The following CCT3 variants were observed in gnomAD, a reference collection of about 807,000 sequenced individuals.
CCT3 encodes T-complex protein 1 subunit gamma.
In CCT3, 10 loss-of-function variants were observed where a neutral mutation model predicts 65.3. The observed-to-expected ratio is 0.15, with a 90% CI of 0.09 to 0.26. The LOEUF (loss-of-function observed/expected upper bound fraction) is 0.26. CCT3 is among the 10% of genes least tolerant of loss of function. The probability of loss-of-function intolerance (pLI) is 1.00; values close to 1 mark genes in which losing one functional copy is unlikely to be tolerated. For synonymous variants in CCT3, 225 were observed against 242.3 expected, an observed-to-expected ratio of 0.93 and a Z score of 0.66; for missense variants, 626 against 708.7, an observed-to-expected ratio of 0.88 and a Z score of 1.33.
At chr1:156,319,116 T>TC in intron 7 of CCT3, 99 bp from the exon 8 acceptor site, 2 of 360,594 alleles carry the variant, frequency 5.5e-6, no homozygotes, top group Non-Finnish European at 7.7e-6. Context: ...GTGTTTCAGG[T>TC]TTTTTTTTTT....
rs184686228 is a variant in CCT3 at position 156,326,289 on chromosome 1, A to G, written c.305-1200T>C. ...GGCTGCAGTGAGCCGTGATCACACT[A>G]TTGCACTCCAGCCTGGGCAATAGAG... On this transcript the variant is annotated intron_variant, in intron 5 of 13. Coordinates refer to ENST00000295688, the MANE Select transcript of CCT3 (RefSeq NM_005998.5). Among the ~76,000 whole-genome samples the G allele has an allele frequency of 1.4e-3, 211 of 152,198 alleles. 2 individuals are homozygous for G. Among genetic ancestry groups the G allele is most frequent in the African/African-American group, 4.8e-3 (198 of 41,540 alleles).
chr1:156,334,974 A>G, intron 2 of CCT3, 56 bp from the exon 3 acceptor site: 1 of 1,503,048 alleles, frequency 6.7e-7, no homozygotes, highest in South Asian at 1.1e-5. Flanking sequence ...AGTGTGAGAA[A>G]TGTTGGAGTA....
In CCT3 at chr1:156,311,207, A is replaced by G. The variant is rs1211460641; in HGVS notation, c.1156-12T>C. The G allele has an allele frequency of 6.2e-7, 1 of 1,612,734 alleles. No individual in the cohort carries two copies. On this transcript the variant is annotated splice_polypyrimidine_tract_variant and intron_variant, in intron 11 of 13. Coordinates refer to ENST00000295688, the MANE Select transcript of CCT3 (RefSeq NM_005998.5). ...TTGCGTTCTACTTCCTTGGAGAAGCAAACAGACAGTATGAAGCCAAAGCTT... is the reference window on the plus strand; with the variant it reads ...TTGCGTTCTACTTCCTTGGAGAAGCGAACAGACAGTATGAAGCCAAAGCTT...
At chr1:156,317,598 C>A in intron 8 of CCT3, 51 bp from the exon 9 acceptor site, 1 of 1,562,012 alleles carries the variant, frequency 6.4e-7, no homozygotes. Flanking sequence ...ACTGGTGAAG[C>A]TCTAAGGGTC....
At position 156,317,163 on chromosome 1, in the gene CCT3, C is replaced by T. The variant is rs1664344780; in HGVS notation, c.974+3G>A. On this transcript the variant is annotated splice_donor_region_variant and intron_variant, in intron 10 of 13. Transcript: ENST00000295688. ...AAGTCTTGTTTTTACCTGGCCTACT[C>T]ACCTAGCAATGCGATTATTGTCTGT... The T allele has an allele frequency of 1.9e-6, 3 of 1,613,440 alleles. No homozygotes were observed. The African/African-American group carries it at 4.0e-5, about 21-fold the overall frequency.
rs201880055 is a variant in CCT3 at position 156,317,129 on chromosome 1, C to A, written c.974+37G>T. ...TACGCAACTACAAAAAGGAAACACA[C>A]GGGAAGAAAAGTCTTGTTTTTACCT... On this transcript the variant is annotated intron_variant, in intron 10 of 13. Coordinates refer to ENST00000295688, the MANE Select transcript of CCT3 (RefSeq NM_005998.5). 2.6e-6 allele frequency: 4 copies of A among 1,544,680 alleles called. No individual in the cohort carries two copies. The South Asian group carries it at 4.5e-5, about 17-fold the overall frequency.
intron 1 of CCT3, 83 bp downstream of exon 1, chr1:156,338,071 G>C: frequency 1.4e-6 from 2 of 1,464,400 alleles, no homozygotes; most frequent in Admixed American, 2.0e-5. Flanking sequence ...CGGTCAGTGG[G>C]GGACGGAGCT....
intron 4 of CCT3, among the ~76,000 whole-genome samples, chr1:156,334,196 A>G (rs1665230688): frequency 6.6e-6 from 1 of 151,240 alleles, no homozygotes; most frequent in African/African-American, 2.4e-5. Context: ...CCGAGATCAC[A>G]TCACTGTACT....
Position 156,320,856 on chromosome 1 carries a change from AT to A in CCT3, c.591del (p.Lys197AsnfsTer23). On this transcript the variant is annotated frameshift_variant, in exon 7 of 14. Transcript: ENST00000295688. LOFTEE classifies it high-confidence loss of function. ...AAGTTTACCTTTTCCACTCTTGCAT[AT>A]TTTTTTATGTCAATCTCTTTCCGAC... is the stretch of plus-strand genomic sequence containing the variant. ...ENGRKEIDIKKYARVEKIPGG... is the reference protein window; with the variant it reads ...ENGRKEIDIKXYARVEKIPGG... The A allele has an allele frequency of 3.1e-6, 5 of 1,609,850 alleles. No homozygotes were observed. Among genetic ancestry groups the A allele is most frequent in the Non-Finnish European group, 4.2e-6 (5 of 1,176,662 alleles).
Position 156,338,177 on chromosome 1 carries a change from C to G in CCT3, c.8G>C (p.Gly3Ala). 1 of 1,588,610 alleles carries G rather than the reference C, an allele frequency of 6.3e-7. No homozygotes were observed. The highest frequency in any genetic ancestry group is 1.2e-5 in the South Asian group (1 of 86,610). The change falls in exon 1 of 14, where the codon GGC becomes GCC. Residue 3 changes from glycine (G) to alanine (A), a missense_variant. By Grantham distance (60) the Gly-to-Ala change is moderately conservative (BLOSUM62 0). Coordinates refer to ENST00000295688, the MANE Select transcript of CCT3 (RefSeq NM_005998.5). MM[G>A]HRPVLVLSQN... ...ACTGAGCACGAGCACTGGACGATGG[C>G]CCATCATGGCGACGCGATGCAGAGC...
rs35161831 is a variant in CCT3, at chr1:156,330,940, T to C, written c.304+2607A>G. Among the ~76,000 whole-genome samples, 1,231 of 151,802 alleles carry C rather than the reference T, an allele frequency of 8.1e-3. 13 individuals carry two copies. Among genetic ancestry groups the C allele is most frequent in the Non-Finnish European group, 0.01 (693 of 67,934 alleles). Reference sequence around the variant, plus strand: ...AATAAATAAATATAATTTGAAAAATTAGCTAGGCTTAGCCAGGCACGGTGG... The same window carrying C: ...AATAAATAAATATAATTTGAAAAATCAGCTAGGCTTAGCCAGGCACGGTGG... On this transcript the variant is annotated intron_variant, in intron 5 of 13. Transcript: ENST00000295688.
intron 6 of CCT3, 29 bp downstream of exon 6, chr1:156,324,943 A>ATAC (rs1275701876): frequency 6.9e-7 from 1 of 1,440,250 alleles, no homozygotes; most frequent in Admixed American, 1.7e-5. Flanking sequence ...CTCATATTTG[A>ATAC]TACTACCTAT....
chr1:156,338,291 A>G lies in CCT3; in HGVS notation c.-107T>C. On this transcript the variant is annotated 5_prime_UTR_variant, in exon 1 of 14. Coordinates refer to ENST00000295688, the MANE Select transcript of CCT3 (RefSeq NM_005998.5). ...AGAAAACGCTGCCTCCTCAGGGCTT[A>G]CACCTCAACCCGCTACTCTCAAGGT... 1 of 1,078,146 alleles carries G rather than the reference A, an allele frequency of 9.3e-7. No homozygotes were observed. Among genetic ancestry groups the G allele is most frequent in the Non-Finnish European group, 1.4e-6 (1 of 721,872 alleles). 66.8% of individuals were successfully genotyped at this position (1,078,146 alleles called of 1,614,324 possible).
intron 11 of CCT3, 119 bp downstream of exon 11, chr1:156,311,922 G>T: frequency 4.6e-6 from 3 of 645,944 alleles, no homozygotes; most frequent in South Asian, 5.6e-5. Context: ...GGAATTTGTG[G>T]CTATAGGTCC....
intron 1 of CCT3, chr1:156,337,845 C>A: frequency 2.1e-6 from 1 of 470,880 alleles, no homozygotes; most frequent in Non-Finnish European, 3.8e-6. Context: ...GACAATCAGG[C>A]TAGAAAGGGC....
chr1:156,329,293 G>C (rs888948872), intron 5 of CCT3, among the ~76,000 whole-genome samples: 3 of 146,970 alleles, frequency 2.0e-5, no homozygotes, highest in Non-Finnish European at 4.5e-5. Context: ...GTCTCAGAAC[G>C]TATCCCCATC....
intron 5 of CCT3, among the ~76,000 whole-genome samples, chr1:156,329,252 C>A (rs1664998756): frequency 6.6e-6 from 1 of 151,494 alleles, no homozygotes; most frequent in South Asian, 2.1e-4. Context: ...ATGAAGTCTG[C>A]ATAGTAATGA....
rs765770849 is a variant in CCT3 at position 156,329,303 on chromosome 1, CT to C, written c.305-4215del. ...CATTTGTCTCAGAACGTATCCCCAT[CT>C]TTTTTTTTTTTTTTTTTTTTGAGAC... On this transcript the variant is annotated intron_variant, in intron 5 of 13. Coordinates refer to ENST00000295688, the MANE Select transcript of CCT3 (RefSeq NM_005998.5). 8.7e-3 allele frequency among the ~76,000 whole-genome samples: 1,043 copies of C among 119,478 alleles called. 7 individuals carry two copies. The highest frequency in any genetic ancestry group is 0.011 in the African/African-American group (343 of 32,434). 78.4% of individuals were successfully genotyped at this position (119,478 alleles called of 152,430 possible).
At chr1:156,338,015 C>T in intron 1 of CCT3, 139 bp downstream of exon 1, 3 of 897,372 alleles carry the variant, frequency 3.3e-6, no homozygotes, top group Non-Finnish European at 5.4e-6. Context: ...GAAAGCGGGA[C>T]ACTGGGCTTC....
Sources: allele counts gnomAD v4.1 joint callset (sites outside exome capture counted in the v4.1 genomes callset), GRCh38; gene constraint gnomAD v4.1.1; transcripts MANE v1.5; gene names NCBI Gene and HGNC (gene_info 2026-07-23, HGNC 2026-07-21).